LRP1B: variants seen among roughly 807,000 people sequenced by gnomAD.
The protein encoded by LRP1B is low-density lipoprotein receptor-related protein 1B.
A neutral mutation model predicts 556.6 loss-of-function variants in LRP1B; 217 were observed. The ratio of observed to expected loss-of-function variants is 0.39; its 90% confidence interval spans 0.35 to 0.44. The LOEUF is 0.44. LRP1B is among the 20% of genes least tolerant of loss of function. The pLI is 1.00. For synonymous variants in LRP1B, 2,047 were observed against 1,865.8 expected (o/e 1.10, Z -2.50); for missense variants, 5,053 against 5,620.8 (o/e 0.90, Z 3.23).
chr2:141,834,254 G>A (rs352993), intron 1 of LRP1B, among the ~76,000 whole-genome samples: 104,493 of 151,678 alleles, frequency 0.69, 36,276 homozygotes, highest in Middle Eastern at 0.8. Context: ...TGGCTATGCT[G>A]CAGAACTTAA....
chr2:141,591,696 G>A (rs991451386), intron 2 of LRP1B, among the ~76,000 whole-genome samples: 13 of 151,838 alleles, frequency 8.6e-5, no homozygotes, highest in African/African-American at 3.1e-4. Flanking sequence ...CTCAATTTAT[G>A]CCACACAAAT....
chr2:140,254,851 C>G (rs1681608883), intron 86 of LRP1B, among the ~76,000 whole-genome samples: 2 of 152,110 alleles, frequency 1.3e-5, no homozygotes, highest in African/African-American at 4.8e-5. Flanking sequence ...CCCACCGTGC[C>G]TGGCCCCAAG....
chr2:142,110,961 T>A (rs1001629), intron 1 of LRP1B, among the ~76,000 whole-genome samples: 73,981 of 151,984 alleles, frequency 0.49, 18,459 homozygotes, highest in East Asian at 0.69. Flanking sequence ...AACCCTGGAT[T>A]AGGGCACATA....
intron 2 of LRP1B, among the ~76,000 whole-genome samples, chr2:141,691,532 C>T (rs1383954185): frequency 1.5e-5 from 2 of 133,984 alleles, no homozygotes; most frequent in Non-Finnish European, 3.2e-5. Flanking sequence ...CATAGAATAA[C>T]AGGCATGATC....
intron 3 of LRP1B, among the ~76,000 whole-genome samples, chr2:141,338,967 A>C (rs966269318): frequency 2.0e-5 from 3 of 151,594 alleles, no homozygotes; most frequent in Non-Finnish European, 4.4e-5. Context: ...CCTGCCATTC[A>C]TAGGATATGA....
intron 81 of LRP1B, 133 bp from the exon 82 acceptor site, chr2:140,322,221 G>A: frequency 1.2e-6 from 1 of 818,438 alleles, no homozygotes; most frequent in South Asian, 1.7e-5. Context: ...CACTGATGTG[G>A]AGTATCTCAC....
At chr2:141,186,651 C>T (rs1276781887) in intron 7 of LRP1B, among the ~76,000 whole-genome samples, 3 of 152,008 alleles carry the variant, frequency 2.0e-5, no homozygotes, top group Non-Finnish European at 4.4e-5. Flanking sequence ...GACAAAATTA[C>T]ATTTAAACAG....
intron 1 of LRP1B, among the ~76,000 whole-genome samples, chr2:141,881,594 G>A (rs1161054795): frequency 6.6e-6 from 1 of 151,772 alleles, no homozygotes; most frequent in African/African-American, 2.4e-5. Context: ...GATATTCTTT[G>A]ATTAAAAACC....
intron 3 of LRP1B, among the ~76,000 whole-genome samples, chr2:141,273,172 A>C (rs1312445344): frequency 6.6e-6 from 1 of 152,012 alleles, no homozygotes; most frequent in African/African-American, 2.4e-5. Context: ...AACTGGGCAT[A>C]GTGGCTCATG....
intron 79 of LRP1B, among the ~76,000 whole-genome samples, chr2:140,326,652 T>C (rs1680496306): frequency 6.6e-6 from 1 of 151,336 alleles, no homozygotes; most frequent in South Asian, 2.1e-4. Context: ...GAGGCAGAGG[T>C]CAGTGAGCTG....
chr2:140,357,615 A>C (rs929251525), intron 74 of LRP1B, among the ~76,000 whole-genome samples: 9 of 151,670 alleles, frequency 5.9e-5, no homozygotes, highest in Admixed American at 3.3e-4. Context: ...TTAACATTGA[A>C]AAAATTAAGA....
At chr2:142,034,875 A>G (rs2105203799) in intron 1 of LRP1B, among the ~76,000 whole-genome samples, 1 of 151,910 alleles carries the variant, frequency 6.6e-6, no homozygotes, top group East Asian at 1.9e-4. Context: ...TACTGAATTA[A>G]ATTTATCAGA....
intron 3 of LRP1B, among the ~76,000 whole-genome samples, chr2:141,330,015 C>T (rs1559009467): frequency 6.6e-6 from 1 of 150,924 alleles, no homozygotes; most frequent in Non-Finnish European, 1.5e-5. Context: ...AAAAAAAAAG[C>T]TTAGCTAAGT....
chr2:141,875,842 G>A (rs751786944), intron 1 of LRP1B, among the ~76,000 whole-genome samples: 1 of 151,846 alleles, frequency 6.6e-6, no homozygotes, highest in African/African-American at 2.4e-5. Context: ...TATGTGTAGC[G>A]AGGGTAATAT....
At chr2:141,521,884 C>T (rs1684540924) in intron 2 of LRP1B, among the ~76,000 whole-genome samples, 14 of 152,080 alleles carry the variant, frequency 9.2e-5, no homozygotes, top group Admixed American at 9.2e-4. Flanking sequence ...AATCTTAATA[C>T]AGTTTTAACA....
intron 37 of LRP1B, among the ~76,000 whole-genome samples, chr2:140,703,049 A>C (rs2105432531): frequency 6.6e-6 from 1 of 152,232 alleles, no homozygotes; most frequent in South Asian, 2.1e-4. Context: ...TTCATTCACT[A>C]TTACTCCTTT....
intron 1 of LRP1B, among the ~76,000 whole-genome samples, chr2:141,850,027 A>G (rs1384023115): frequency 6.6e-6 from 1 of 151,742 alleles, no homozygotes; most frequent in Non-Finnish European, 1.5e-5. Context: ...CATTCCCAAT[A>G]GCAAAAACCA....
At chr2:141,126,998 T>TA (rs1006981503) in intron 7 of LRP1B, among the ~76,000 whole-genome samples, 1 of 152,112 alleles carries the variant, frequency 6.6e-6, no homozygotes, top group Non-Finnish European at 1.5e-5. Context: ...CTCCTAATGC[T>TA]ATCCCTCCCC....
At chr2:140,943,698 AT>A (rs1695463988) in intron 20 of LRP1B, among the ~76,000 whole-genome samples, 1 of 152,138 alleles carries the variant, frequency 6.6e-6, no homozygotes, top group Non-Finnish European at 1.5e-5. Flanking sequence ...GAAGGCAGAT[AT>A]TTAAAAACTT....
Sources: allele counts gnomAD v4.1 joint callset (sites outside exome capture counted in the v4.1 genomes callset), GRCh38; gene constraint gnomAD v4.1.1; transcripts MANE v1.5; gene names NCBI Gene and HGNC (gene_info 2026-07-23, HGNC 2026-07-21).